P2RX5: variants seen among roughly 807,000 people sequenced by gnomAD.
The protein encoded by P2RX5 is P2X purinoceptor 5.
A neutral mutation model predicts 54.1 loss-of-function variants in P2RX5; 46 were observed. The ratio of observed to expected loss-of-function variants is 0.85; its 90% CI spans 0.67 to 1.09. The LOEUF is 1.09. Ranked by LOEUF, P2RX5 falls within the 50% of genes least tolerant of loss-of-function variation. P2RX5 has a pLI of 0.00. For missense variants in P2RX5, 566 were observed against 549.8 expected, an observed-to-expected ratio of 1.03 and a Z score of -0.29; for synonymous variants, 226 against 226.4, an observed-to-expected ratio of 1.00 and a Z score of 0.02.
At chr17:3,717,278 TA>T in the P2RX5 span, 1 of 155,052 alleles carries the variant, frequency 6.4e-6, no homozygotes, top group Non-Finnish European at 1.4e-5. Context: ...AAGGCTTTGG[TA>T]ATACACTTTC....
the P2RX5 span, among the ~76,000 whole-genome samples, chr17:3,701,711 A>ATAAAT: frequency 1.3e-5 from 2 of 149,404 alleles, no homozygotes; most frequent in South Asian, 4.3e-4. Context: ...AAAAAAAAAA[A>ATAAAT]AAAAAAAAGG....
In P2RX5 at chr17:3,678,978, G is replaced by A. The variant is rs553648366; in HGVS notation, c.1259+612C>T. 7.4e-4 allele frequency among the ~76,000 whole-genome samples: 113 copies of A among 152,280 alleles called. 1 individual carries two copies. Among genetic ancestry groups the A allele is most frequent in the South Asian group, 2.5e-3 (12 of 4,822 alleles). ...AGAAGCCAGCGCCCCCAGGAATCGC[G>A]GCCCAAGGACCCCCCTGGCAGCACG... On this transcript the variant is annotated intron_variant, in intron 11 of 11. Coordinates refer to ENST00000225328, the MANE Select transcript of P2RX5 (RefSeq NM_002561.4).
intron 8 of P2RX5, 107 bp from the exon 9 acceptor site, chr17:3,688,212 ACT>A: frequency 1.4e-6 from 1 of 714,448 alleles, no homozygotes; most frequent in Non-Finnish European, 2.5e-6. Flanking sequence ...CGGAACCCTG[ACT>A]CTCAGCAGCC....
chr17:3,691,377 A>G (rs535199974), intron 2 of P2RX5, among the ~76,000 whole-genome samples: 4 of 152,336 alleles, frequency 2.6e-5, no homozygotes, highest in South Asian at 2.1e-4. Flanking sequence ...CTGACTCACA[A>G]TGACCTGAAA....
At chr17:3,701,411 G>A in the P2RX5 span, among the ~76,000 whole-genome samples, 1 of 152,172 alleles carries the variant, frequency 6.6e-6, no homozygotes, top group Non-Finnish European at 1.5e-5. Flanking sequence ...GAACTTCTAA[G>A]TCCGGGCGTG....
At position 3,673,887 on chromosome 17, in the gene P2RX5, C is replaced by T; in HGVS notation, c.1260-10G>A. Reference sequence around the variant, plus strand: ...GGCAATTCACGTGCTCCTGGAATATCAGAACAGAAAGGAGCTCTTGAGAGG... The same window carrying T: ...GGCAATTCACGTGCTCCTGGAATATTAGAACAGAAAGGAGCTCTTGAGAGG... On this transcript the variant is annotated splice_polypyrimidine_tract_variant and intron_variant, in intron 11 of 11. Transcript: ENST00000225328. 1 of 1,610,666 alleles carries T rather than the reference C, an allele frequency of 6.2e-7. No individual in the cohort carries two copies.
At chr17:3,706,140 A>G in the P2RX5 span, among the ~76,000 whole-genome samples, 2 of 151,954 alleles carry the variant, frequency 1.3e-5, no homozygotes, top group Admixed American at 1.3e-4. Flanking sequence ...ATTTTAGTAG[A>G]GACGGGGTTT....
the P2RX5 span, among the ~76,000 whole-genome samples, chr17:3,713,925 G>A: frequency 7.3e-6 from 1 of 137,056 alleles, no homozygotes; most frequent in African/African-American, 2.9e-5. Flanking sequence ...TATCTGAAAG[G>A]ATACAATCGA....
At chr17:3,712,747 G>A in the P2RX5 span, among the ~76,000 whole-genome samples, 1 of 152,110 alleles carries the variant, frequency 6.6e-6, no homozygotes, top group African/African-American at 2.4e-5. Flanking sequence ...AGGAGTTCGA[G>A]ACCAGCCTAA....
the P2RX5 span, among the ~76,000 whole-genome samples, chr17:3,704,950 G>C: frequency 6.6e-6 from 1 of 152,212 alleles, no homozygotes; most frequent in East Asian, 1.9e-4. Flanking sequence ...AGGTTGCGGT[G>C]AGCGGAGATC....
At chr17:3,719,349 G>T in the P2RX5 span, among the ~76,000 whole-genome samples, 2 of 152,074 alleles carry the variant, frequency 1.3e-5, no homozygotes, top group African/African-American at 4.8e-5. Context: ...CTCCTCCAGG[G>T]AGGAAAACAG....
upstream of P2RX5, among the ~76,000 whole-genome samples, chr17:3,697,229 CAACT>C (rs2050777694): frequency 6.6e-6 from 1 of 152,136 alleles, no homozygotes; most frequent in Non-Finnish European, 1.5e-5. Context: ...GCGCATGTAC[CAACT>C]GTTTGGAATG....
chr17:3,697,467 G>T (rs1222270298), upstream of P2RX5, among the ~76,000 whole-genome samples: 1 of 152,154 alleles, frequency 6.6e-6, no homozygotes, highest in Non-Finnish European at 1.5e-5. Flanking sequence ...AAGCAGTCCT[G>T]CTCCTCTCCC....
At chr17:3,705,944 A>G in the P2RX5 span, among the ~76,000 whole-genome samples, 1 of 151,184 alleles carries the variant, frequency 6.6e-6, no homozygotes, top group Non-Finnish European at 1.5e-5. Flanking sequence ...CTACAGGTAC[A>G]TACTACACCT....
chr17:3,675,918 A>G, intron 11 of P2RX5: 1 of 985,382 alleles, frequency 1.0e-6, no homozygotes, highest in South Asian at 4.7e-5. Flanking sequence ...GAAAACCCAA[A>G]GCGAGGAAGT....
chr17:3,713,366 T>C, the P2RX5 span, among the ~76,000 whole-genome samples: 9 of 152,072 alleles, frequency 5.9e-5, no homozygotes, highest in South Asian at 1.5e-3. Flanking sequence ...CCAAAATAAA[T>C]AAACAAATAA....
chr17:3,688,514 C>T, intron 8 of P2RX5, 112 bp downstream of exon 8: 1 of 1,186,396 alleles, frequency 8.4e-7, no homozygotes, highest in Non-Finnish European at 1.3e-6. Flanking sequence ...TGTCCCTGCA[C>T]CTCCCGCTCT....
the P2RX5 span, among the ~76,000 whole-genome samples, chr17:3,715,452 C>T: frequency 9.2e-5 from 14 of 152,136 alleles, no homozygotes; most frequent in Non-Finnish European, 1.8e-4. Context: ...AGACCGCTTT[C>T]AGGGAAGACA....
At chr17:3,715,556 C>T in the P2RX5 span, among the ~76,000 whole-genome samples, 1 of 152,058 alleles carries the variant, frequency 6.6e-6, no homozygotes, top group Non-Finnish European at 1.5e-5. Flanking sequence ...AATAGTTTGA[C>T]TTGTTGGGAG....
Sources: gnomAD v4.1 joint callset for allele counts (sites outside exome capture counted in the v4.1 genomes callset) on GRCh38, gnomAD v4.1.1 for gene constraint, MANE v1.5 for transcripts, NCBI Gene and HGNC (gene_info 2026-07-23, HGNC 2026-07-21) for gene names.